The following HEMK2 variants were observed in gnomAD, a reference collection of about 807,000 sequenced individuals.
HEMK2 encodes methyltransferase HEMK2.
chr21:28,643,127 C>A, the HEMK2 span, among the ~76,000 whole-genome samples: 1 of 152,122 alleles, frequency 6.6e-6, no homozygotes, highest in Non-Finnish European at 1.5e-5. Context: ...CCCCACAGTC[C>A]CCACCAGTTC....
At chr21:28,582,273 G>A in the HEMK2 span, among the ~76,000 whole-genome samples, 1 of 152,186 alleles carries the variant, frequency 6.6e-6, no homozygotes, top group Non-Finnish European at 1.5e-5. Flanking sequence ...CGGTAGTCCA[G>A]CTCACACTCA....
At chr21:28,754,947 G>C in the HEMK2 span, among the ~76,000 whole-genome samples, 1 of 152,320 alleles carries the variant, frequency 6.6e-6, no homozygotes, top group East Asian at 1.9e-4. Flanking sequence ...ACGGACAAGG[G>C]AGGAATTAAT....
At chr21:28,786,737 A>G in the HEMK2 span, among the ~76,000 whole-genome samples, 3 of 152,150 alleles carry the variant, frequency 2.0e-5, no homozygotes, top group Non-Finnish European at 2.9e-5. Context: ...ATACATTAAT[A>G]TAAGAAAGAC....
the HEMK2 span, among the ~76,000 whole-genome samples, chr21:28,597,665 A>G: frequency 6.6e-6 from 1 of 152,236 alleles, no homozygotes; most frequent in African/African-American, 2.4e-5. Context: ...GACATTTGCC[A>G]GTCATGCACC....
At chr21:28,788,900 A>C in the HEMK2 span, among the ~76,000 whole-genome samples, 1 of 152,092 alleles carries the variant, frequency 6.6e-6, no homozygotes, top group African/African-American at 2.4e-5. Context: ...AAAGACACCC[A>C]GTGGAGACAG....
chr21:28,649,007 T>C, the HEMK2 span, among the ~76,000 whole-genome samples: 2 of 148,790 alleles, frequency 1.3e-5, no homozygotes, highest in Non-Finnish European at 2.9e-5. Context: ...CATGGTTCAA[T>C]TTCCACCTAT....
the HEMK2 span, among the ~76,000 whole-genome samples, chr21:28,578,160 G>T: frequency 1.3e-5 from 2 of 152,258 alleles, no homozygotes; most frequent in African/African-American, 4.8e-5. Context: ...CAGGCTCCTG[G>T]AAAAGCTTAA....
the HEMK2 span, among the ~76,000 whole-genome samples, chr21:28,645,580 TCC>T: frequency 6.6e-6 from 1 of 152,024 alleles, no homozygotes; most frequent in Non-Finnish European, 1.5e-5. Flanking sequence ...CAGTACAGAT[TCC>T]TGAGCCCCAT....
At chr21:28,771,094 T>C in the HEMK2 span, among the ~76,000 whole-genome samples, 1 of 152,156 alleles carries the variant, frequency 6.6e-6, no homozygotes, top group African/African-American at 2.4e-5. Flanking sequence ...AAACATTACA[T>C]CAATTAATCC....
the HEMK2 span, among the ~76,000 whole-genome samples, chr21:28,596,231 A>G: frequency 0.39 from 58,550 of 151,486 alleles, 11,687 homozygotes; most frequent in Middle Eastern, 0.47. Flanking sequence ...GTTAGCCAGG[A>G]TGGTCTCAAT....
the HEMK2 span, among the ~76,000 whole-genome samples, chr21:28,696,700 G>A: frequency 6.6e-6 from 1 of 152,072 alleles, no homozygotes; most frequent in African/African-American, 2.4e-5. Flanking sequence ...CTTTGGCACT[G>A]CCCTAGCAGA....
At chr21:28,680,853 C>G in the HEMK2 span, among the ~76,000 whole-genome samples, 11 of 152,232 alleles carry the variant, frequency 7.2e-5, no homozygotes, top group East Asian at 5.8e-4. Flanking sequence ...ATTCAACAAC[C>G]CTTCATGCTA....
the HEMK2 span, chr21:28,671,394 C>T: frequency 6.6e-6 from 1 of 152,182 alleles, no homozygotes; most frequent in Non-Finnish European, 1.5e-5. Flanking sequence ...CAGGTTAACG[C>T]TACCATGCAT....
the HEMK2 span, among the ~76,000 whole-genome samples, chr21:28,663,073 A>G: frequency 1.3e-5 from 2 of 152,166 alleles, no homozygotes; most frequent in African/African-American, 4.8e-5. Context: ...TAATCTCTCA[A>G]TGGAGAGTGA....
At chr21:28,640,661 T>C in the HEMK2 span, among the ~76,000 whole-genome samples, 1 of 152,196 alleles carries the variant, frequency 6.6e-6, no homozygotes, top group African/African-American at 2.4e-5. Context: ...TGAGTACTTC[T>C]TGGAGTCCCT....
At chr21:28,783,006 A>G in the HEMK2 span, among the ~76,000 whole-genome samples, 1 of 152,200 alleles carries the variant, frequency 6.6e-6, no homozygotes, top group South Asian at 2.1e-4. Flanking sequence ...TCACACAGAC[A>G]TCCCTGATAC....
chr21:28,633,289 C>G, the HEMK2 span, among the ~76,000 whole-genome samples: 2 of 152,260 alleles, frequency 1.3e-5, no homozygotes, highest in Non-Finnish European at 1.5e-5. Flanking sequence ...AGAAAATGAA[C>G]AAAGCTGTCT....
chr21:28,868,294 T>A, the HEMK2 span, among the ~76,000 whole-genome samples: 1 of 152,212 alleles, frequency 6.6e-6, no homozygotes. Context: ...TTGACTGGAA[T>A]TTTACTGTAA....
At chr21:28,787,952 C>A in the HEMK2 span, among the ~76,000 whole-genome samples, 5 of 151,898 alleles carry the variant, frequency 3.3e-5, no homozygotes, top group African/African-American at 1.2e-4. Context: ...AATCAGGGAA[C>A]CAACCCAAAT....
Sources: allele counts gnomAD v4.1 joint callset (sites outside exome capture counted in the v4.1 genomes callset), GRCh38; gene constraint gnomAD v4.1.1; transcripts MANE v1.5; gene names NCBI Gene and HGNC (gene_info 2026-07-23, HGNC 2026-07-21).